The following PLPP4 variants were observed in gnomAD, a reference collection of about 807,000 sequenced individuals.
PLPP4 encodes the protein phospholipid phosphatase 4, also known as diacylglycerol pyrophosphate like 2.
A neutral mutation model predicts 32.2 loss-of-function variants in PLPP4; 20 were observed. That is an observed-to-expected ratio of 0.62 (90% CI 0.44 to 0.90). The LOEUF is 0.90. PLPP4 is among the 40% of genes least tolerant of loss of function. PLPP4 has a pLI of 0.00. For synonymous variants in PLPP4, 127 were observed against 133.0 expected, an observed-to-expected ratio of 0.95 and a Z score of 0.31; for missense variants, 257 against 353.1, an observed-to-expected ratio of 0.73 and a Z score of 2.18.
intron 2 of PLPP4, among the ~76,000 whole-genome samples, chr10:120,512,065 G>T (rs1564806513): frequency 6.6e-6 from 1 of 152,040 alleles, no homozygotes; most frequent in Non-Finnish European, 1.5e-5. Context: ...CTGCACTCCA[G>T]CCTGGGTGAC....
intron 5 of PLPP4, among the ~76,000 whole-genome samples, chr10:120,532,002 G>C (rs772631850): frequency 2.6e-5 from 4 of 151,920 alleles, no homozygotes; most frequent in Non-Finnish European, 5.9e-5. Context: ...ATGGTGGTTT[G>C]CTGCACCCAT....
intron 5 of PLPP4, among the ~76,000 whole-genome samples, chr10:120,563,609 G>A (rs1438859239): frequency 2.0e-4 from 29 of 148,462 alleles, no homozygotes; most frequent in South Asian, 1.7e-3. Context: ...GACCATCCTG[G>A]CTAACAAGGT....
intron 5 of PLPP4, among the ~76,000 whole-genome samples, chr10:120,547,093 CT>C (rs879634023): frequency 9.1e-4 from 136 of 150,114 alleles, no homozygotes; most frequent in East Asian, 4.3e-3. Context: ...AAATAGTTGT[CT>C]TTTTTTTTAA....
chr10:120,566,647 C>T (rs1848706111), intron 5 of PLPP4, among the ~76,000 whole-genome samples: 2 of 152,066 alleles, frequency 1.3e-5, no homozygotes, highest in Middle Eastern at 3.4e-3. Context: ...CTCCACCTCC[C>T]GAGTTCAAGC....
intron 1 of PLPP4, among the ~76,000 whole-genome samples, chr10:120,490,871 C>T (rs1844687971): frequency 6.6e-6 from 1 of 152,212 alleles, no homozygotes; most frequent in Admixed American, 6.5e-5. Flanking sequence ...TAGGAAAACA[C>T]GCTCTCTGTA....
chr10:120,484,924 A>G (rs1232041543), intron 1 of PLPP4, among the ~76,000 whole-genome samples: 1 of 152,208 alleles, frequency 6.6e-6, no homozygotes, highest in Non-Finnish European at 1.5e-5. Flanking sequence ...GGAAAAGAAG[A>G]GGCAGAAGAG....
chr10:120,462,546 C>T (rs894213622), intron 1 of PLPP4, among the ~76,000 whole-genome samples: 2 of 152,174 alleles, frequency 1.3e-5, no homozygotes, highest in African/African-American at 4.8e-5. Flanking sequence ...TTTGCTTTCC[C>T]CTGCTCCCAG....
intron 2 of PLPP4, among the ~76,000 whole-genome samples, 172 bp downstream of exon 2, chr10:120,504,098 C>T (rs952798459): frequency 2.0e-5 from 3 of 152,180 alleles, no homozygotes; most frequent in African/African-American, 4.8e-5. Context: ...ACTGCTTGGT[C>T]ATGTGAGAAG....
At chr10:120,583,669 A>G (rs11199421) in intron 6 of PLPP4, among the ~76,000 whole-genome samples, 49,803 of 152,130 alleles carry the variant, frequency 0.33, 8,486 homozygotes, top group Middle Eastern at 0.39. Flanking sequence ...TATTCTGCAC[A>G]TTGCATATAA....
chr10:120,514,022 G>T (rs778487168), intron 3 of PLPP4, 21 bp downstream of exon 3: 79 of 1,544,822 alleles, frequency 5.1e-5, no homozygotes, highest in Non-Finnish European at 6.9e-5. Flanking sequence ...CACAGTTCCT[G>T]CTTTAGGGAA....
chr10:120,494,671 G>C (rs1458035103), intron 1 of PLPP4, among the ~76,000 whole-genome samples: 3 of 152,218 alleles, frequency 2.0e-5, no homozygotes, highest in African/African-American at 7.2e-5. Context: ...CAGGTGAGGG[G>C]TGGATTATTT....
intron 1 of PLPP4, among the ~76,000 whole-genome samples, chr10:120,460,190 G>A (rs187547507): frequency 4.9e-4 from 75 of 152,280 alleles, no homozygotes; most frequent in African/African-American, 1.7e-3. Context: ...AAAAATAAAA[G>A]TAAAATGTGA....
In PLPP4 at chr10:120,521,466, G is replaced by A. The variant is rs1361368589; in HGVS notation, c.445+371G>A. Among the ~76,000 whole-genome samples, 11 of 152,126 alleles carry A rather than the reference G, an allele frequency of 7.2e-5. No homozygotes were observed. In the East Asian group the frequency reaches 2.1e-3, roughly 29 times the overall value. On this transcript the variant is annotated intron_variant, in intron 5 of 6. Transcript: ENST00000398250. Reference sequence around the variant, plus strand: ...TTCAATTCAGGTGTTGCGTGTGTGTGTACACAAATATATAGCACATATGTA... The same window carrying A: ...TTCAATTCAGGTGTTGCGTGTGTGTATACACAAATATATAGCACATATGTA...
chr10:120,550,355 A>G (rs1847833556), intron 5 of PLPP4, among the ~76,000 whole-genome samples: 1 of 151,992 alleles, frequency 6.6e-6, no homozygotes, highest in African/African-American at 2.4e-5. Flanking sequence ...TTGTTAAGAT[A>G]TTGATTATCC....
rs374594284 is a variant in PLPP4 at position 120,544,281 on chromosome 10, AT to A, written c.445+23194del. On this transcript the variant is annotated intron_variant, in intron 5 of 6. Transcript: ENST00000398250. Reference sequence around the variant, plus strand: ...CCAATACTTGTTATTTTCGGTTTTAATTTTTTTTATAGTGGACTCCCTGAGA... The same window carrying A: ...CCAATACTTGTTATTTTCGGTTTTAATTTTTTTATAGTGGACTCCCTGAGA... Among the ~76,000 whole-genome samples, 840 of 152,148 alleles carry A rather than the reference AT, an allele frequency of 5.5e-3. 12 individuals are homozygous for A. The highest frequency in any genetic ancestry group is 0.019 in the African/African-American group (794 of 41,490).
At chr10:120,557,517 T>A (rs1480256366) in intron 5 of PLPP4, among the ~76,000 whole-genome samples, 1 of 152,214 alleles carries the variant, frequency 6.6e-6, no homozygotes, top group Non-Finnish European at 1.5e-5. Flanking sequence ...AATGAGGTGA[T>A]GTTTGGGTAG....
chr10:120,528,072 T>TTG (rs1272002601), intron 5 of PLPP4, among the ~76,000 whole-genome samples: 2,970 of 134,498 alleles, frequency 0.022, 77 homozygotes, highest in African/African-American at 0.061. Flanking sequence ...ACTCTCCGTT[T>TTG]TTTTTTTTTT....
chr10:120,495,776 G>A (rs892491709), intron 1 of PLPP4, among the ~76,000 whole-genome samples: 1 of 152,130 alleles, frequency 6.6e-6, no homozygotes, highest in Non-Finnish European at 1.5e-5. Flanking sequence ...CTACCCTCGG[G>A]TGGGGCTTAA....
intron 6 of PLPP4, among the ~76,000 whole-genome samples, chr10:120,580,476 G>T (rs1849441111): frequency 6.6e-6 from 1 of 152,130 alleles, no homozygotes; most frequent in Admixed American, 6.5e-5. Flanking sequence ...CCAGTTTCAG[G>T]TAGTCCAGTT....
Sources: gnomAD v4.1 joint callset for allele counts (sites outside exome capture counted in the v4.1 genomes callset) on GRCh38, gnomAD v4.1.1 for gene constraint, MANE v1.5 for transcripts, NCBI Gene and HGNC (gene_info 2026-07-23, HGNC 2026-07-21) for gene names.